KCNJ15: variants seen among roughly 807,000 people sequenced by gnomAD.
KCNJ15 encodes potassium inwardly rectifying channel subfamily J member 15.
A neutral mutation model predicts 23.0 loss-of-function variants in KCNJ15; 14 were observed. The observed-to-expected ratio is 0.61, with a 90% confidence interval of 0.40 to 0.95. The LOEUF is 0.95. KCNJ15 is among the 40% of genes least tolerant of loss of function. The pLI, the probability that KCNJ15 is intolerant of heterozygous loss-of-function variation, is 0.00. For synonymous variants in KCNJ15, 185 were observed against 183.2 expected (o/e 1.01, Z -0.08); for missense variants, 388 against 461.8 (o/e 0.84, Z 1.46).
intron 1 of KCNJ15, among the ~76,000 whole-genome samples, chr21:38,272,095 G>C (rs1045436225): frequency 6.6e-6 from 1 of 152,164 alleles, no homozygotes; most frequent in African/African-American, 2.4e-5. Context: ...AGAATTTCTG[G>C]TGACTTCTAC....
At position 38,299,712 on chromosome 21, in the gene KCNJ15, G is replaced by C. The variant is rs777684658; in HGVS notation, c.451G>C (p.Val151Leu). Residue 151 changes from valine to leucine, a missense_variant, in exon 3 of 3, where the codon GTC (valine) becomes CTC (leucine). Physicochemically the swap from Val to Leu is conservative, Grantham distance 32. Coordinates refer to ENST00000398938, the MANE Select transcript of KCNJ15 (RefSeq NM_170736.3). The surrounding 1 kb of genome is among the most constrained non-coding windows in gnomAD (Gnocchi z 4.5). ...HAIFLLVAQLVITTLIEIFIT... is the reference protein window; with the variant it reads ...HAIFLLVAQLLITTLIEIFIT... ...CATCTTCCTGTTGGTTGCTCAGTTG[G>C]TCATCACGACCTTGATTGAGATCTT... 1 of 1,614,072 alleles carries C rather than the reference G, an allele frequency of 6.2e-7. No individual in the cohort carries two copies. The highest frequency in any genetic ancestry group is 1.3e-5 in the African/African-American group (1 of 75,010).
At chr21:38,288,018 G>GTT (rs1395005811) in intron 1 of KCNJ15, among the ~76,000 whole-genome samples, 1 of 26,016 alleles carries the variant, frequency 3.8e-5, no homozygotes, top group Non-Finnish European at 1.0e-4. Context: ...TAAATAACTT[G>GTT]TTTTTTTCTT....
At chr21:38,290,044 T>A (rs1310888762) in intron 1 of KCNJ15, among the ~76,000 whole-genome samples, 1 of 152,218 alleles carries the variant, frequency 6.6e-6, no homozygotes, top group East Asian at 1.9e-4. Context: ...CGGAGGTTGG[T>A]CACTCGTAAC....
rs1985932528 is a variant in KCNJ15 at position 38,303,535 on chromosome 21, T to C, written c.*3146T>C. On this transcript the variant is annotated 3_prime_UTR_variant, in exon 3 of 3. Coordinates refer to ENST00000398938, the MANE Select transcript of KCNJ15 (RefSeq NM_170736.3). The stretch of plus-strand genomic sequence containing the variant: ...CACTGAGTCACCCAACCCCACTCCT[T>C]TGGGATGGGGTTGGGAGTCATGCAT... 1 of 151,844 alleles carries C rather than the reference T, an allele frequency of 6.6e-6. No homozygotes were observed. Among genetic ancestry groups the C allele is most frequent in the South Asian group, 2.1e-4 (1 of 4,816 alleles). 9.4% of individuals were successfully genotyped at this position (151,844 alleles called of 1,614,324 possible). A position where few individuals can be genotyped will look rare whatever the true frequency, so the allele number is the denominator to read the frequency against.
At chr21:38,236,455 C>A (rs1978610498) in intron 1 of KCNJ15, among the ~76,000 whole-genome samples, 3 of 152,138 alleles carry the variant, frequency 2.0e-5, no homozygotes, top group African/African-American at 7.2e-5. Context: ...ATATCTAGTA[C>A]TTTGCTAGTG....
intron 1 of KCNJ15, among the ~76,000 whole-genome samples, chr21:38,264,438 C>T (rs1981250095): frequency 6.6e-6 from 1 of 152,188 alleles, no homozygotes; most frequent in Non-Finnish European, 1.5e-5. Flanking sequence ...GGCCTGCTTA[C>T]TTGTCCCTTT....
upstream of KCNJ15, among the ~76,000 whole-genome samples, chr21:38,255,630 A>G (rs928657553): frequency 2.0e-5 from 3 of 152,166 alleles, no homozygotes; most frequent in Non-Finnish European, 4.4e-5. Flanking sequence ...ACAGAAATGG[A>G]ATGATTTATG....
At chr21:38,291,025 C>CACACACACACACACACAT (rs1555885288) in intron 1 of KCNJ15, among the ~76,000 whole-genome samples, 8 of 151,056 alleles carry the variant, frequency 5.3e-5, no homozygotes, top group South Asian at 4.2e-4. Context: ...CACACACACA[C>CACACACACACACACACAT]GTATATATAG....
At chr21:38,298,565 T>A (rs777532546) in intron 2 of KCNJ15, among the ~76,000 whole-genome samples, 8 of 152,224 alleles carry the variant, frequency 5.3e-5, no homozygotes, top group Non-Finnish European at 1.0e-4. Flanking sequence ...TAGGAGAGGC[T>A]GTAGATTCTT....
intron 1 of KCNJ15, among the ~76,000 whole-genome samples, chr21:38,281,902 T>C (rs1254083090): frequency 6.6e-6 from 1 of 152,196 alleles, no homozygotes; most frequent in Admixed American, 6.5e-5. Flanking sequence ...GTAGAAACTT[T>C]CCCTTTCTTT....
At position 38,302,645 on chromosome 21, in the gene KCNJ15, C is replaced by T. The variant is rs1985882821; in HGVS notation, c.*2256C>T. Reference sequence around the variant, plus strand: ...GTATAATCAACAAAAAATAATGCCACGGGCATGTTTACACCTTTTCTGTTG... The same window carrying T: ...GTATAATCAACAAAAAATAATGCCATGGGCATGTTTACACCTTTTCTGTTG... On this transcript the variant is annotated 3_prime_UTR_variant, in exon 3 of 3. Coordinates refer to ENST00000398938, the MANE Select transcript of KCNJ15 (RefSeq NM_170736.3). 1 of 152,098 alleles carries T rather than the reference C, an allele frequency of 6.6e-6. No individual in the cohort carries two copies. The highest frequency in any genetic ancestry group is 1.9e-4 in the East Asian group (1 of 5,198). The allele number at this position is 152,098 out of a possible 1,614,324, so 9.4% of individuals were successfully genotyped here. A position where few individuals can be genotyped will look rare whatever the true frequency, so the allele number is the denominator to read the frequency against.
intron 1 of KCNJ15, among the ~76,000 whole-genome samples, chr21:38,270,239 G>C (rs1431571580): frequency 2.0e-5 from 3 of 152,074 alleles, no homozygotes; most frequent in African/African-American, 7.2e-5. Context: ...ATCAGATGCT[G>C]TGTCCTGATT....
chr21:38,240,525 G>A (rs1978926911), intron 1 of KCNJ15, among the ~76,000 whole-genome samples: 1 of 152,180 alleles, frequency 6.6e-6, no homozygotes, highest in Non-Finnish European at 1.5e-5. Context: ...AGAGGTGGAT[G>A]GAAAGTTGTT....
At chr21:38,292,223 G>A (rs1041032828) in intron 1 of KCNJ15, among the ~76,000 whole-genome samples, 3 of 152,154 alleles carry the variant, frequency 2.0e-5, no homozygotes, top group African/African-American at 7.2e-5. Flanking sequence ...TCGTCACCTA[G>A]AAAATAGAGA....
In KCNJ15 at chr21:38,245,302, C is replaced by G. The variant is rs182823911; in HGVS notation, c.-398-11744C>G. Among the ~76,000 whole-genome samples, 144 of 151,846 alleles carry G rather than the reference C, an allele frequency of 9.5e-4. 2 individuals are homozygous for G. Among genetic ancestry groups the G allele is most frequent in the African/African-American group, 3.3e-3 (136 of 41,370 alleles). ...CTTACAAACAACATTGATGTCCAGG[C>G]CCCACCCCAGACCAATGAAATCAGA... is the stretch of plus-strand genomic sequence containing the variant. On this transcript the variant is annotated intron_variant, in intron 1 of 4. Coordinates refer to the KCNJ15 transcript ENST00000547341.
intron 1 of KCNJ15, among the ~76,000 whole-genome samples, chr21:38,269,205 C>A (rs1386246786): frequency 6.6e-6 from 1 of 152,188 alleles, no homozygotes; most frequent in Admixed American, 6.5e-5. Flanking sequence ...GGACCTGATT[C>A]CCTTTTCATA....
Position 38,273,173 on chromosome 21 carries a change from A to G in KCNJ15, c.-117+15988A>G, listed in dbSNP as rs147381773. ...TAGTATTATTCAAAAGTCTTATTGT[A>G]TATGAAAAGTGACAAGATTTTTGCA... On this transcript the variant is annotated intron_variant, in intron 1 of 2. Transcript: ENST00000398938. Among the ~76,000 whole-genome samples the G allele has an allele frequency of 2.1e-4, 32 of 152,352 alleles. No individual in the cohort carries two copies. The East Asian group carries it at 6.2e-3, about 29-fold the overall frequency.
chr21:38,275,195 C>T (rs887623264), intron 1 of KCNJ15, among the ~76,000 whole-genome samples: 1 of 152,160 alleles, frequency 6.6e-6, no homozygotes, highest in Non-Finnish European at 1.5e-5. Context: ...ATTACTTAGA[C>T]AAATTCAACA....
At chr21:38,252,278 G>A (rs530138170), upstream of KCNJ15, among the ~76,000 whole-genome samples, 2 of 152,244 alleles carry the variant, frequency 1.3e-5, no homozygotes, top group African/African-American at 4.8e-5. Flanking sequence ...GAAATCTTGT[G>A]GGCTGCACTC....
Sources: gnomAD v4.1 joint callset for allele counts (sites outside exome capture counted in the v4.1 genomes callset) on GRCh38, gnomAD v4.1.1 for gene constraint, Gnocchi (gnomAD v3.1) non-coding constraint, MANE v1.5 for transcripts, NCBI Gene and HGNC (gene_info 2026-07-23, HGNC 2026-07-21) for gene names.